TENM3: variants seen among roughly 807,000 people sequenced by gnomAD.
TENM3 encodes teneurin-3.
A neutral mutation model predicts 255.1 loss-of-function variants in TENM3; 63 were observed. That is an observed-to-expected ratio of 0.25 (90% confidence interval 0.20 to 0.30). The LOEUF (loss-of-function observed/expected upper bound fraction) is 0.30. Ranked by LOEUF, TENM3 falls within the 10% of genes least tolerant of loss-of-function variation. The pLI is 1.00. For missense variants in TENM3, 2,929 were observed against 3,461.1 expected, an observed-to-expected ratio of 0.85 and a Z score of 3.86; for synonymous variants, 1,306 against 1,322.3, an observed-to-expected ratio of 0.99 and a Z score of 0.27.
chr4:182,609,055 G>T (rs1370171762), intron 4 of TENM3, among the ~76,000 whole-genome samples: 1 of 152,212 alleles, frequency 6.6e-6, no homozygotes, highest in Non-Finnish European at 1.5e-5. Flanking sequence ...GACCTCAGTG[G>T]CAACTCTTGG....
the TENM3 span, among the ~76,000 whole-genome samples, chr4:181,627,397 A>G: frequency 0.016 from 2,377 of 152,266 alleles, 78 homozygotes; most frequent in African/African-American, 0.054. Context: ...CAGGTTTGTT[A>G]CATATGTATA....
intron 3 of TENM3, among the ~76,000 whole-genome samples, chr4:182,387,051 C>T (rs1767995583): frequency 6.6e-6 from 1 of 152,202 alleles, no homozygotes; most frequent in Non-Finnish European, 1.5e-5. Flanking sequence ...TTATATCTAG[C>T]TCAGGGATTG....
the TENM3 span, among the ~76,000 whole-genome samples, chr4:182,038,700 T>C: frequency 2.0e-5 from 3 of 152,346 alleles, no homozygotes; most frequent in Admixed American, 6.5e-5. Flanking sequence ...ACTTCTTGAA[T>C]AGCTGCAGGA....
chr4:182,303,093 C>T (rs376526887), intron 1 of TENM3, among the ~76,000 whole-genome samples: 4 of 151,880 alleles, frequency 2.6e-5, no homozygotes, highest in South Asian at 2.1e-4. Flanking sequence ...GCGGCATTCT[C>T]GGTGATGGGA....
At position 182,789,146 on chromosome 4, in the gene TENM3, A is replaced by G; in HGVS notation, c.5358A>G (p.Glu1786=). The G allele has an allele frequency of 6.2e-7, 1 of 1,612,586 alleles. No individual in the cohort carries two copies. The highest frequency in any genetic ancestry group is 8.5e-7 in the Non-Finnish European group (1 of 1,179,244). ...SVDFDRTTKT[E]KIYDDHRKFL... ...ACTTTGATCGAACAACAAAGACAGA[A>G]AAGATCTATGACGACCACCGTAAAT... The change falls in exon 25 of 28, where the codon GAA becomes GAG. Residue 1786 remains glutamate (E), a synonymous_variant. Coordinates refer to ENST00000511685, the MANE Select transcript of TENM3 (RefSeq NM_001080477.4). This position sits in a 1 kb window ranked among gnomAD's most constrained non-coding sequence, Gnocchi z 4.4.
chr4:182,150,794 C>G (rs1215371975), intron 1 of TENM3, among the ~76,000 whole-genome samples: 1 of 152,010 alleles, frequency 6.6e-6, no homozygotes, highest in East Asian at 1.9e-4. Context: ...CTTCAGGTTG[C>G]CATTACTTAG....
the TENM3 span, among the ~76,000 whole-genome samples, chr4:182,020,463 G>A: frequency 6.6e-6 from 1 of 152,226 alleles, no homozygotes; most frequent in Non-Finnish European, 1.5e-5. Flanking sequence ...CTAGATAGGA[G>A]GAATAAGTTG....
chr4:182,124,041 A>G, the TENM3 span, among the ~76,000 whole-genome samples: 15 of 152,024 alleles, frequency 9.9e-5, no homozygotes, highest in Non-Finnish European at 1.6e-4. Context: ...TTATTTGTTT[A>G]TTTATTTATT....
chr4:181,862,518 C>A, the TENM3 span, among the ~76,000 whole-genome samples: 1 of 151,814 alleles, frequency 6.6e-6, no homozygotes, highest in African/African-American at 2.4e-5. Context: ...TGCCTCCCTG[C>A]AGAAAAAAAA....
At chr4:182,193,804 A>C (rs576825467) in intron 1 of TENM3, among the ~76,000 whole-genome samples, 1 of 152,330 alleles carries the variant, frequency 6.6e-6, no homozygotes, top group Admixed American at 6.5e-5. Flanking sequence ...CATAGATTTG[A>C]AATGCTTTTA....
chr4:182,038,336 A>G, the TENM3 span, among the ~76,000 whole-genome samples: 1 of 152,220 alleles, frequency 6.6e-6, no homozygotes, highest in South Asian at 2.1e-4. Context: ...AAATAATTGT[A>G]ATTTAGGATT....
chr4:182,399,513 G>T (rs1293456741), intron 3 of TENM3, among the ~76,000 whole-genome samples: 3 of 152,272 alleles, frequency 2.0e-5, no homozygotes, highest in Non-Finnish European at 2.9e-5. Context: ...GTGAAAATTA[G>T]CTATGAGTTT....
At chr4:182,485,265 T>A (rs59836370) in intron 3 of TENM3, among the ~76,000 whole-genome samples, 9,193 of 152,236 alleles carry the variant, frequency 0.06, 425 homozygotes, top group African/African-American at 0.12. Context: ...CTGCTGATAC[T>A]GGAGTTGTAA....
chr4:182,023,255 G>A, the TENM3 span, among the ~76,000 whole-genome samples: 2 of 152,074 alleles, frequency 1.3e-5, no homozygotes, highest in African/African-American at 2.4e-5. Context: ...CACACATCAC[G>A]AAGGCATGTA....
At chr4:181,849,949 T>TCTCTCTCA in the TENM3 span, among the ~76,000 whole-genome samples, 880 of 65,944 alleles carry the variant, frequency 0.013, 8 homozygotes, top group African/African-American at 0.021. Context: ...TCTCTCTCTC[T>TCTCTCTCA]CACACACACA....
chr4:182,097,943 G>A, the TENM3 span, among the ~76,000 whole-genome samples: 1 of 151,928 alleles, frequency 6.6e-6, no homozygotes. Context: ...CAGACCCCAA[G>A]CAAATGGCAA....
the TENM3 span, among the ~76,000 whole-genome samples, chr4:181,569,655 C>G: frequency 6.6e-6 from 1 of 152,030 alleles, no homozygotes; most frequent in African/African-American, 2.4e-5. Flanking sequence ...AAGGTGTAGG[C>G]CTTTTGACAT....
intron 3 of TENM3, among the ~76,000 whole-genome samples, chr4:182,390,261 T>C (rs1343552044): frequency 6.6e-6 from 1 of 152,168 alleles, no homozygotes; most frequent in Non-Finnish European, 1.5e-5. Context: ...AGTCCCAGTG[T>C]TTTAAAGGAG....
At chr4:182,360,667 C>T (rs1197535184) in intron 3 of TENM3, among the ~76,000 whole-genome samples, 5 of 152,032 alleles carry the variant, frequency 3.3e-5, no homozygotes, top group Non-Finnish European at 7.4e-5. Context: ...GGTCTTGACT[C>T]TTTATCCAAT....
Sources: allele counts gnomAD v4.1 joint callset (sites outside exome capture counted in the v4.1 genomes callset), GRCh38; gene constraint gnomAD v4.1.1; non-coding constraint Gnocchi (gnomAD v3.1); transcripts MANE v1.5; gene names NCBI Gene and HGNC (gene_info 2026-07-23, HGNC 2026-07-21).